PAXIP1: variants seen among roughly 807,000 people sequenced by gnomAD.
PAXIP1 encodes PAX interacting protein 1, also known as PAX-interacting protein 1.
In PAXIP1, 19 loss-of-function variants were observed where a neutral mutation model predicts 140.6. That is an observed-to-expected ratio of 0.14 (90% CI 0.09 to 0.20). The LOEUF is 0.20. Ranked by LOEUF, PAXIP1 falls within the 10% of genes least tolerant of loss-of-function variation. PAXIP1 has a pLI of 1.00. For missense variants in PAXIP1, 920 were observed against 1,208.6 expected, an observed-to-expected ratio of 0.76 and a Z score of 3.54; for synonymous variants, 442 against 444.6, an observed-to-expected ratio of 0.99 and a Z score of 0.07.
rs983389468 is a variant in PAXIP1, at chr7:154,956,910, C to T, written c.2549+314G>A. ...GCCGTGCCCAGGAGGCCTGGGGCTC[C>T]GTGGTCTATCTCTGAGCTGGGTTCT... is the stretch of plus-strand genomic sequence containing the variant. On this transcript the variant is annotated intron_variant, in intron 14 of 20. Transcript: ENST00000404141. The surrounding 1 kb of genome is among the most constrained non-coding windows in gnomAD (Gnocchi z 4.2). 4 of 213,170 alleles carry T rather than the reference C, an allele frequency of 1.9e-5. No individual in the cohort carries two copies. The highest frequency in any genetic ancestry group is 5.9e-5 in the Admixed American group (1 of 16,892). 13.2% of individuals were successfully genotyped at this position (213,170 alleles called of 1,614,324 possible).
intron 11 of PAXIP1, 50 bp downstream of exon 11, chr7:154,961,477 T>C (rs1808752329): frequency 1.4e-6 from 2 of 1,459,612 alleles, no homozygotes; most frequent in Non-Finnish European, 1.9e-6. Flanking sequence ...AAATAGCCAC[T>C]ATATTGTGTG....
intron 12 of PAXIP1, 144 bp downstream of exon 12, chr7:154,960,749 G>A (rs372804470): frequency 3.3e-6 from 2 of 615,196 alleles, no homozygotes; most frequent in Admixed American, 3.5e-5. Flanking sequence ...AGAAGAAAGA[G>A]TATAGAAAAG....
chr7:154,989,778 T>C (rs1810238629), intron 4 of PAXIP1, among the ~76,000 whole-genome samples: 1 of 152,226 alleles, frequency 6.6e-6, no homozygotes, highest in Admixed American at 6.5e-5. Flanking sequence ...TGGTGTAATA[T>C]TGTACATACC....
chr7:154,963,823 C>A lies in PAXIP1; in HGVS notation c.1894-57G>T. On this transcript the variant is annotated intron_variant, in intron 8 of 20. Coordinates refer to ENST00000404141, the MANE Select transcript of PAXIP1 (RefSeq NM_007349.4). The surrounding 1 kb of genome is among the most constrained non-coding windows in gnomAD (Gnocchi z 4.1). ...CAATCACTCAGAATAGAGGAGAATT[C>A]CAATTTCAAATAAGGCAGCTATTAA... 3 of 1,183,720 alleles carry A rather than the reference C, an allele frequency of 2.5e-6. No individual in the cohort carries two copies. The Admixed American group carries it at 5.6e-5, about 22-fold the overall frequency. 73.3% of individuals were successfully genotyped at this position (1,183,720 alleles called of 1,614,324 possible). A position where few individuals can be genotyped will look rare whatever the true frequency, so the allele number is the denominator to read the frequency against.
At chr7:154,987,891 T>C (rs572876927) in intron 4 of PAXIP1, among the ~76,000 whole-genome samples, 35 of 152,286 alleles carry the variant, frequency 2.3e-4, no homozygotes, top group African/African-American at 7.9e-4. Flanking sequence ...TTGTCAAAAC[T>C]CCAGCCTCTG....
At chr7:154,972,617 T>G (rs1334726938) in intron 6 of PAXIP1, among the ~76,000 whole-genome samples, 2 of 152,356 alleles carry the variant, frequency 1.3e-5, no homozygotes, top group Non-Finnish European at 1.5e-5. Context: ...ATGACTTCTG[T>G]CCATAATTTC....
chr7:154,966,200 G>A (rs1390886084), intron 8 of PAXIP1, among the ~76,000 whole-genome samples: 3 of 152,148 alleles, frequency 2.0e-5, no homozygotes, highest in African/African-American at 7.2e-5. Flanking sequence ...TTTTAGGTTG[G>A]AAATTATTTT....
At chr7:154,992,469 C>T (rs959128923) in intron 3 of PAXIP1, among the ~76,000 whole-genome samples, 2 of 152,078 alleles carry the variant, frequency 1.3e-5, no homozygotes, top group Non-Finnish European at 2.9e-5. Flanking sequence ...ATCGCTTGAA[C>T]CCATAGTCCC....
At chr7:154,999,641 T>G (rs1203304256) in intron 1 of PAXIP1, among the ~76,000 whole-genome samples, 5 of 152,122 alleles carry the variant, frequency 3.3e-5, no homozygotes, top group Non-Finnish European at 7.4e-5. Flanking sequence ...GAAATGGTGG[T>G]GAGTACCACT....
At chr7:154,988,034 GA>G (rs1810153684) in intron 4 of PAXIP1, among the ~76,000 whole-genome samples, 1 of 152,020 alleles carries the variant, frequency 6.6e-6, no homozygotes, top group South Asian at 2.1e-4. Context: ...AAATCAATGA[GA>G]AAAAAAGGGT....
chr7:154,995,102 G>A (rs1309948337), intron 2 of PAXIP1, among the ~76,000 whole-genome samples: 1 of 152,154 alleles, frequency 6.6e-6, no homozygotes, highest in African/African-American at 2.4e-5. Context: ...AGCACTAAGG[G>A]AACAGTCCCT....
intron 1 of PAXIP1, 34 bp downstream of exon 1, chr7:155,002,815 G>A (rs751589271): frequency 6.3e-6 from 8 of 1,271,100 alleles, no homozygotes; most frequent in Non-Finnish European, 8.4e-6. Flanking sequence ...GACGCGGACG[G>A]GGGAGGAGGC....
rs550665686 is a variant in PAXIP1, at chr7:154,994,574, C to T, written c.217-805G>A. On this transcript the variant is annotated intron_variant, in intron 2 of 20. Coordinates refer to ENST00000404141, the MANE Select transcript of PAXIP1 (RefSeq NM_007349.4). ...GGGATGTAACAATGAAAACGAGAAA[C>T]GCAGTCTTTGCTCTCCTGCAAGTCA... Among the ~76,000 whole-genome samples, 16 of 152,262 alleles carry T rather than the reference C, an allele frequency of 1.1e-4. No homozygotes were observed. The South Asian group carries it at 2.7e-3, about 26-fold the overall frequency.
Position 154,973,613 on chromosome 7 carries a change from T to TA in PAXIP1, c.1074+2082dup, listed in dbSNP as rs1392624943. 6.6e-6 allele frequency among the ~76,000 whole-genome samples: 1 copy of TA among 152,206 alleles called. No individual in the cohort carries two copies. Among genetic ancestry groups the TA allele is most frequent in the African/African-American group, 2.4e-5 (1 of 41,462 alleles). On this transcript the variant is annotated intron_variant, in intron 6 of 20. Transcript: ENST00000404141. This position sits in a 1 kb window ranked among gnomAD's most constrained non-coding sequence, Gnocchi z 4.0. The stretch of plus-strand genomic sequence containing the variant: ...TGTCATCATCCCAAGAACCGTGTAC[T>TA]ACTAATACTCGCTGCTTAGGTGGAG...
chr7:154,997,862 T>G (rs182770495), intron 2 of PAXIP1, among the ~76,000 whole-genome samples: 1 of 152,350 alleles, frequency 6.6e-6, no homozygotes, highest in East Asian at 1.9e-4. Context: ...TTCAGCTAAC[T>G]GAAATTCAGA....
chr7:154,996,646 C>T lies in PAXIP1; in HGVS notation c.216+2004G>A, dbSNP rs142251403. On this transcript the variant is annotated intron_variant, in intron 2 of 20. Transcript: ENST00000404141. ...ATCAATCTGTAATTGCAGCAGCTAC[C>T]GGCAGTGACTCTACATATAGCAGCA... Among the ~76,000 whole-genome samples, 384 of 152,260 alleles carry T rather than the reference C, an allele frequency of 2.5e-3. 4 individuals are homozygous for T. Among genetic ancestry groups the T allele is most frequent in the East Asian group, 0.022 (112 of 5,186 alleles).
chr7:154,976,461 T>C (rs189272818), intron 5 of PAXIP1, 130 bp from the exon 6 acceptor site: 1 of 1,267,688 alleles, frequency 7.9e-7, no homozygotes. Flanking sequence ...ATTACAATTT[T>C]ATACAGAAGC....
chr7:154,948,040 G>A, intron 16 of PAXIP1, 37 bp from the exon 17 acceptor site: 1 of 1,427,734 alleles, frequency 7.0e-7, no homozygotes, highest in Non-Finnish European at 9.9e-7. Context: ...GAAAAGTGTG[G>A]ACACGTGAAG....
Position 154,956,091 on chromosome 7 carries a change from G to A in PAXIP1, c.2550-460C>T, listed in dbSNP as rs529494952. On this transcript the variant is annotated intron_variant, in intron 14 of 20. Coordinates refer to ENST00000404141, the MANE Select transcript of PAXIP1 (RefSeq NM_007349.4). The surrounding 1 kb of genome is among the most constrained non-coding windows in gnomAD (Gnocchi z 4.2). ...ATACAAGTCAGCCAAGACGAGTGTC[G>A]CTAGAGCTTCCAGTGTCTTTCACAT... Among the ~76,000 whole-genome samples the A allele has an allele frequency of 3.9e-5, 6 of 152,246 alleles. No individual in the cohort carries two copies. Among genetic ancestry groups the A allele is most frequent in the Admixed American group, 3.3e-4 (5 of 15,280 alleles).
Sources: allele counts gnomAD v4.1 joint callset (sites outside exome capture counted in the v4.1 genomes callset), GRCh38; gene constraint gnomAD v4.1.1; non-coding constraint Gnocchi (gnomAD v3.1); transcripts MANE v1.5; gene names NCBI Gene and HGNC (gene_info 2026-07-23, HGNC 2026-07-21).